Variants in NTSR1 observed in about 807,000 individuals in gnomAD.
The protein encoded by NTSR1 is neurotensin receptor type 1.
In NTSR1, 29 loss-of-function variants were observed where a neutral mutation model predicts 31.2. The observed-to-expected ratio is 0.93, with a 90% CI of 0.69 to 1.27. The LOEUF is 1.27. Among genes scored for constraint, NTSR1 ranks in the 50% most tolerant of loss-of-function variants. NTSR1 has a pLI of 0.00. For synonymous variants in NTSR1, 282 were observed against 269.9 expected (o/e 1.04, Z -0.44); for missense variants, 697 against 595.4 (o/e 1.17, Z -1.78).
At chr20:62,724,791 C>G (rs1600722352) in intron 1 of NTSR1, among the ~76,000 whole-genome samples, 1 of 152,172 alleles carries the variant, frequency 6.6e-6, no homozygotes, top group Non-Finnish European at 1.5e-5. Context: ...AGGGAAGGAC[C>G]CTTCCTGCCT....
intron 1 of NTSR1, among the ~76,000 whole-genome samples, chr20:62,713,977 G>A (rs567191958): frequency 5.3e-5 from 8 of 152,358 alleles, no homozygotes; most frequent in Admixed American, 4.6e-4. Flanking sequence ...AAGGATGCCT[G>A]TAATCCCAGC....
chr20:62,709,307 GGCTTCGGCAAC>G lies in NTSR1; in HGVS notation c.108_118del (p.Asn37GlnfsTer292), dbSNP rs748959881. ...ACTGGAGGAGGCGCTGCTGGCCCCG[GGCTTCGGCAAC>G]GCTTCGGGCAACGCGTCGGAGCGCG... On this transcript the variant is annotated frameshift_variant, in exon 1 of 4. Coordinates refer to ENST00000370501, the MANE Select transcript of NTSR1 (RefSeq NM_002531.3). LOFTEE classifies it high-confidence loss of function. The G allele has an allele frequency of 6.2e-7, 1 of 1,603,250 alleles. No individual in the cohort carries two copies. Among genetic ancestry groups the G allele is most frequent in the Non-Finnish European group, 8.5e-7 (1 of 1,177,042 alleles).
rs970175078 is a variant in NTSR1, at chr20:62,743,073, C to T, written c.715-11612C>T. Among the ~76,000 whole-genome samples the T allele has an allele frequency of 8.0e-5, 12 of 149,514 alleles. No homozygotes were observed. The highest frequency in any genetic ancestry group is 1.6e-4 in the Non-Finnish European group (11 of 67,998). Reference sequence around the variant, plus strand: ...ACCCTGCCCTCTCCCCAGATCAGCTCGGTAGGCTCCAATCCAGAGAGTCAG... The same window carrying T: ...ACCCTGCCCTCTCCCCAGATCAGCTTGGTAGGCTCCAATCCAGAGAGTCAG... On this transcript the variant is annotated intron_variant, in intron 1 of 3. Transcript: ENST00000370501. This position sits in a 1 kb window ranked among gnomAD's most constrained non-coding sequence, Gnocchi z 7.5.
intron 1 of NTSR1, among the ~76,000 whole-genome samples, chr20:62,739,486 G>A (rs1335800511): frequency 6.6e-6 from 1 of 152,262 alleles, no homozygotes; most frequent in Admixed American, 6.5e-5. Flanking sequence ...GGGGAAGCAA[G>A]GAGAGCCAGG....
chr20:62,719,079 G>A (rs977948536), intron 1 of NTSR1, among the ~76,000 whole-genome samples: 3 of 150,232 alleles, frequency 2.0e-5, no homozygotes, highest in Non-Finnish European at 2.9e-5. Context: ...GGAGTGATGA[G>A]AGTAGACATC....
chr20:62,753,876 T>C (rs895403047), intron 1 of NTSR1, among the ~76,000 whole-genome samples: 1 of 152,192 alleles, frequency 6.6e-6, no homozygotes, highest in Non-Finnish European at 1.5e-5. Flanking sequence ...GCTAGGCCAC[T>C]GCCCATCTGG....
intron 2 of NTSR1, among the ~76,000 whole-genome samples, chr20:62,757,053 TC>T (rs1037617381): frequency 1.1e-4 from 16 of 152,360 alleles, no homozygotes; most frequent in African/African-American, 3.4e-4. Context: ...CCTGATGGCA[TC>T]CTTTGATACA....
Position 62,760,337 on chromosome 20 carries a change from C to T in NTSR1, c.*70C>T. 6.6e-7 allele frequency: 1 copy of T among 1,524,132 alleles called. No individual in the cohort carries two copies. Among genetic ancestry groups the T allele is most frequent in the South Asian group, 1.3e-5 (1 of 79,816 alleles). 94.4% of individuals were successfully genotyped at this position (1,524,132 alleles called of 1,614,324 possible). ...CCTTGCCCCCGACAGACAGAGCAGC[C>T]CCCACCCGGGAGCCTTGATGGGGGT... On this transcript the variant is annotated 3_prime_UTR_variant, in exon 4 of 4. Coordinates refer to ENST00000370501, the MANE Select transcript of NTSR1 (RefSeq NM_002531.3).
In NTSR1 at chr20:62,760,780, C is replaced by G. The variant is rs1989608101; in HGVS notation, c.*513C>G. ...CACGTGCAGACCCTGCCATGCAGAC[C>G]CATGCCCCCCTCCCCCAGGCAGCTC... On this transcript the variant is annotated 3_prime_UTR_variant, in exon 4 of 4. Transcript: ENST00000370501. 1 of 153,388 alleles carries G rather than the reference C, an allele frequency of 6.5e-6. No homozygotes were observed. Among genetic ancestry groups the G allele is most frequent in the South Asian group, 2.1e-4 (1 of 4,876 alleles). 9.5% of individuals were successfully genotyped at this position (153,388 alleles called of 1,614,324 possible). A position where few individuals can be genotyped will look rare whatever the true frequency, so the allele number is the denominator to read the frequency against.
intron 1 of NTSR1, among the ~76,000 whole-genome samples, chr20:62,736,193 G>A (rs747546419): frequency 2.5e-4 from 38 of 152,202 alleles, no homozygotes; most frequent in Admixed American, 5.2e-4. Context: ...CAGGGGCATC[G>A]TGGCTGGGGA....
At chr20:62,722,073 A>G (rs1379292810) in intron 1 of NTSR1, among the ~76,000 whole-genome samples, 1 of 152,166 alleles carries the variant, frequency 6.6e-6, no homozygotes, top group Non-Finnish European at 1.5e-5. Flanking sequence ...AACCTATACT[A>G]GACCTTGTAG....
At chr20:62,751,153 A>G (rs1465401218) in intron 1 of NTSR1, among the ~76,000 whole-genome samples, 1 of 152,212 alleles carries the variant, frequency 6.6e-6, no homozygotes, top group Non-Finnish European at 1.5e-5. Flanking sequence ...CTGTGATTAC[A>G]GGAATGAGCC....
chr20:62,717,159 AG>A (rs1988744870), intron 1 of NTSR1, among the ~76,000 whole-genome samples: 1 of 151,726 alleles, frequency 6.6e-6, no homozygotes, highest in African/African-American at 2.4e-5. Flanking sequence ...CACCCACCCC[AG>A]GAGGGCAAGG....
intron 1 of NTSR1, among the ~76,000 whole-genome samples, chr20:62,712,457 G>C (rs8116167): frequency 1.9e-4 from 29 of 152,236 alleles, no homozygotes; most frequent in African/African-American, 6.5e-4. Flanking sequence ...CAGAAATTGT[G>C]TTTAGAAATG....
At chr20:62,736,539 G>T (rs1036319409) in intron 1 of NTSR1, among the ~76,000 whole-genome samples, 6 of 152,158 alleles carry the variant, frequency 3.9e-5, no homozygotes, top group Non-Finnish European at 8.8e-5. Context: ...GCAAAGAGAG[G>T]GCTCCCAGCT....
rs1467127700 is a variant in NTSR1 at position 62,733,238 on chromosome 20, TC to T, written c.715-21443del. 1 of 151,948 alleles carries T rather than the reference TC, an allele frequency of 6.6e-6. No individual in the cohort carries two copies. Among genetic ancestry groups the T allele is most frequent in the Non-Finnish European group, 1.5e-5 (1 of 67,974 alleles). The allele number at this position is 151,948 out of a possible 1,614,324, so 9.4% of individuals were successfully genotyped here. On this transcript the variant is annotated intron_variant, in intron 1 of 3. Coordinates refer to ENST00000370501, the MANE Select transcript of NTSR1 (RefSeq NM_002531.3). The surrounding 1 kb of genome is among the most constrained non-coding windows in gnomAD (Gnocchi z 5.2). ...CCTAACAGAGAAATGTGCATCCCGG[TC>T]CCCGCAGGGCCACCCTGGAGGCACC... is the stretch of plus-strand genomic sequence containing the variant.
intron 1 of NTSR1, among the ~76,000 whole-genome samples, chr20:62,754,483 G>A (rs899923537): frequency 6.6e-6 from 1 of 152,188 alleles, no homozygotes; most frequent in Admixed American, 6.5e-5. Context: ...TCGGGGGCAG[G>A]CTGAGGGCCA....
rs540144378 is a variant in NTSR1, at chr20:62,709,517, C to T, written c.310C>T (p.His104Tyr). The part of the protein sequence containing the change: ...LQSLQSTVHY[H>Y]LGSLALSDLL... ...GAGCCTGCAGAGCACGGTGCATTAC[C>T]ACCTGGGCAGCCTGGCGCTGTCCGA... is the stretch of plus-strand genomic sequence containing the variant. Residue 104 changes from histidine (H) to tyrosine (Y), a missense_variant, in exon 1 of 4, where the codon CAC (histidine) becomes TAC (tyrosine). Coordinates refer to ENST00000370501, the MANE Select transcript of NTSR1 (RefSeq NM_002531.3). 1.4e-5 allele frequency: 23 copies of T among 1,612,412 alleles called. No homozygotes were observed. The highest frequency in any genetic ancestry group is 1.9e-5 in the Non-Finnish European group (23 of 1,179,870).
chr20:62,735,706 T>TC (rs1324511997), intron 1 of NTSR1, among the ~76,000 whole-genome samples: 1 of 150,922 alleles, frequency 6.6e-6, no homozygotes, highest in Non-Finnish European at 1.5e-5. Context: ...AACACGGGAG[T>TC]CCCCCCGACA....
Sources: allele counts gnomAD v4.1 joint callset (sites outside exome capture counted in the v4.1 genomes callset), GRCh38; gene constraint gnomAD v4.1.1; non-coding constraint Gnocchi (gnomAD v3.1); transcripts MANE v1.5; gene names NCBI Gene and HGNC (gene_info 2026-07-23, HGNC 2026-07-21).